The following CCSER1 variants were observed in gnomAD, a reference collection of about 807,000 sequenced individuals.
CCSER1 encodes the protein serine-rich coiled-coil domain-containing protein 1.
Under a neutral mutation model 82.0 loss-of-function variants are expected in CCSER1, and 41 were observed. That is an observed-to-expected ratio of 0.50 (90% confidence interval 0.39 to 0.65). CCSER1 has a LOEUF of 0.65. CCSER1 is among the 30% of genes least tolerant of loss of function. The probability of loss-of-function intolerance (pLI) is 0.00; values close to 1 mark genes in which losing one functional copy is unlikely to be tolerated. For missense variants in CCSER1, 1,119 were observed against 1,064.2 expected (o/e 1.05, Z -0.72); for synonymous variants, 414 against 383.9 (o/e 1.08, Z -0.92).
intron 10 of CCSER1, among the ~76,000 whole-genome samples, chr4:91,214,838 T>C (rs1026413819): frequency 6.6e-6 from 1 of 152,160 alleles, no homozygotes; most frequent in Non-Finnish European, 1.5e-5. Context: ...ATTTCAGATG[T>C]CATGTCAATT....
intron 10 of CCSER1, among the ~76,000 whole-genome samples, chr4:91,515,891 A>G (rs1366963198): frequency 6.7e-6 from 1 of 148,970 alleles, no homozygotes; most frequent in Non-Finnish European, 1.5e-5. Flanking sequence ...TGACTTCTTA[A>G]TAATAGCCAT....
chr4:90,617,096 A>G (rs1411425359), intron 5 of CCSER1, among the ~76,000 whole-genome samples: 2 of 152,232 alleles, frequency 1.3e-5, no homozygotes, highest in Non-Finnish European at 2.9e-5. Flanking sequence ...ACATAAAACA[A>G]TTTATTCTTT....
chr4:90,953,725 A>C (rs1005423374), intron 9 of CCSER1, among the ~76,000 whole-genome samples: 1 of 151,918 alleles, frequency 6.6e-6, no homozygotes, highest in Non-Finnish European at 1.5e-5. Flanking sequence ...GCAGATGTGT[A>C]TAGAGAATTT....
intron 7 of CCSER1, among the ~76,000 whole-genome samples, chr4:90,741,919 T>C (rs1247810565): frequency 1.3e-5 from 2 of 152,212 alleles, no homozygotes. Context: ...CTCACACTGC[T>C]TTAAAGAACT....
chr4:91,520,559 G>A (rs954931650), intron 10 of CCSER1, among the ~76,000 whole-genome samples: 3 of 152,076 alleles, frequency 2.0e-5, no homozygotes, highest in Admixed American at 6.5e-5. Context: ...AAGGTTTTAA[G>A]CAAAAACACA....
chr4:90,910,615 G>A (rs935180820), intron 8 of CCSER1, among the ~76,000 whole-genome samples: 1 of 152,196 alleles, frequency 6.6e-6, no homozygotes, highest in Admixed American at 6.5e-5. Context: ...AGTGGTCACA[G>A]TGAAGGATGT....
intron 5 of CCSER1, among the ~76,000 whole-genome samples, chr4:90,500,396 A>G (rs933049778): frequency 6.6e-6 from 1 of 152,030 alleles, no homozygotes; most frequent in Admixed American, 6.6e-5. Flanking sequence ...TAGTGGTACA[A>G]TCACAGCTCA....
chr4:90,184,584 A>T (rs1734279419), intron 1 of CCSER1, among the ~76,000 whole-genome samples: 1 of 152,146 alleles, frequency 6.6e-6, no homozygotes, highest in Non-Finnish European at 1.5e-5. Context: ...TCGAATAAAA[A>T]TGAGAGCATG....
intron 9 of CCSER1, among the ~76,000 whole-genome samples, chr4:90,985,481 G>A (rs538907223): frequency 7.3e-5 from 11 of 151,558 alleles, no homozygotes; most frequent in Non-Finnish European, 1.5e-4. Context: ...GTTAATATTG[G>A]CAAAAGTGAA....
intron 10 of CCSER1, among the ~76,000 whole-genome samples, chr4:91,275,609 T>C (rs555304722): frequency 1.3e-5 from 2 of 152,234 alleles, no homozygotes; most frequent in Non-Finnish European, 2.9e-5. Context: ...AAATATTTTC[T>C]CTCATTCTAT....
intron 1 of CCSER1, among the ~76,000 whole-genome samples, chr4:90,164,360 G>A (rs1730058141): frequency 6.6e-6 from 1 of 150,480 alleles, no homozygotes; most frequent in Non-Finnish European, 1.5e-5. Flanking sequence ...TTTATTTTTA[G>A]TTATTTAAGA....
intron 8 of CCSER1, chr4:90,911,442 C>A: frequency 2.6e-6 from 1 of 380,692 alleles, no homozygotes; most frequent in Non-Finnish European, 5.3e-6. Context: ...ATTAAGCAAT[C>A]CCTATGATTC....
intron 9 of CCSER1, among the ~76,000 whole-genome samples, chr4:90,994,741 A>T (rs1241476742): frequency 2.6e-5 from 4 of 152,160 alleles, no homozygotes; most frequent in African/African-American, 4.8e-5. Flanking sequence ...TTCCAGCTAC[A>T]TGTATTTATT....
chr4:90,639,828 A>T (rs945934358), intron 6 of CCSER1, among the ~76,000 whole-genome samples: 5 of 152,118 alleles, frequency 3.3e-5, no homozygotes, highest in African/African-American at 1.2e-4. Context: ...CAGAAATTTG[A>T]ATTAATGTGT....
chr4:90,942,039 T>A (rs1484340335), intron 9 of CCSER1, among the ~76,000 whole-genome samples: 1 of 152,058 alleles, frequency 6.6e-6, no homozygotes, highest in Non-Finnish European at 1.5e-5. Context: ...CGTCTGCCTC[T>A]CGGGCTCAAG....
intron 10 of CCSER1, among the ~76,000 whole-genome samples, chr4:91,539,654 T>C (rs1367600418): frequency 6.6e-6 from 1 of 152,110 alleles, no homozygotes; most frequent in Non-Finnish European, 1.5e-5. Flanking sequence ...CAGAATTAAA[T>C]AATAGTGTCT....
intron 10 of CCSER1, among the ~76,000 whole-genome samples, chr4:91,220,579 T>G (rs893316633): frequency 6.6e-6 from 1 of 152,190 alleles, no homozygotes; most frequent in Non-Finnish European, 1.5e-5. Flanking sequence ...AATTGGTACA[T>G]GGAATTTTCT....
At chr4:91,307,720 C>G (rs1173105114) in intron 10 of CCSER1, among the ~76,000 whole-genome samples, 1 of 151,900 alleles carries the variant, frequency 6.6e-6, no homozygotes, top group African/African-American at 2.4e-5. Context: ...ACAAAGAAAA[C>G]AGTATAACTG....
chr4:91,464,388 A>G (rs1163901342), intron 10 of CCSER1, among the ~76,000 whole-genome samples: 1 of 152,216 alleles, frequency 6.6e-6, no homozygotes, highest in African/African-American at 2.4e-5. Context: ...GGTACCAGCC[A>G]CTGCAAAAAT....
Sources: allele counts gnomAD v4.1 joint callset (sites outside exome capture counted in the v4.1 genomes callset), GRCh38; gene constraint gnomAD v4.1.1; transcripts MANE v1.5; gene names NCBI Gene and HGNC (gene_info 2026-07-23, HGNC 2026-07-21).